USP34: variants seen among roughly 807,000 people sequenced by gnomAD.
USP34 encodes the protein ubiquitin specific peptidase 34, also known as ubiquitin carboxyl-terminal hydrolase 34.
In USP34, 70 loss-of-function variants were observed where a neutral mutation model predicts 460.3. The ratio of observed to expected loss-of-function variants is 0.15; its 90% CI spans 0.13 to 0.19. The LOEUF (loss-of-function observed/expected upper bound fraction) is 0.19, where lower values mean the gene tolerates loss of function less well. Ranked by LOEUF, USP34 falls within the 10% of genes least tolerant of loss-of-function variation. USP34 has a pLI of 1.00. For missense variants in USP34, 3,985 were observed against 4,236.2 expected (o/e 0.94, Z 1.65); for synonymous variants, 1,647 against 1,405.3 (o/e 1.17, Z -3.85).
At chr2:61,432,017 T>C (rs1191253411) in intron 1 of USP34, among the ~76,000 whole-genome samples, 4 of 147,954 alleles carry the variant, frequency 2.7e-5, no homozygotes, top group African/African-American at 9.7e-5. Context: ...TAAATATGTA[T>C]AAGAATTACG....
intron 30 of USP34, 116 bp downstream of exon 30, chr2:61,296,684 G>C: frequency 4.4e-6 from 5 of 1,130,954 alleles, no homozygotes; most frequent in Non-Finnish European, 6.0e-6. Context: ...TACTATATGG[G>C]TAAAAACTAT....
intron 33 of USP34, among the ~76,000 whole-genome samples, chr2:61,292,681 A>G (rs1019797752): frequency 1.3e-5 from 2 of 152,228 alleles, no homozygotes; most frequent in Admixed American, 1.3e-4. Context: ...AAAACAAAAA[A>G]CCACAGGAAC....
At chr2:61,310,413 G>T (rs562304238) in intron 27 of USP34, among the ~76,000 whole-genome samples, 236 of 152,040 alleles carry the variant, frequency 1.6e-3, no homozygotes, top group African/African-American at 5.5e-3. Context: ...ATCTCAAAAA[G>T]AATGAGGTAA....
At chr2:61,396,749 A>T (rs1352711232) in intron 3 of USP34, among the ~76,000 whole-genome samples, 1 of 152,106 alleles carries the variant, frequency 6.6e-6, no homozygotes, top group Non-Finnish European at 1.5e-5. Context: ...CGGCCTCCCA[A>T]AGTGCTGGGA....
At chr2:61,459,579 A>G (rs144768913) in intron 1 of USP34, among the ~76,000 whole-genome samples, 2,831 of 152,186 alleles carry the variant, frequency 0.019, 51 homozygotes, top group Non-Finnish European at 0.031. Flanking sequence ...GTTCGAAACC[A>G]GCCTGGCCAA....
chr2:61,301,236 T>C, intron 28 of USP34, 76 bp from the exon 29 acceptor site: 8 of 1,461,458 alleles, frequency 5.5e-6, no homozygotes, highest in Non-Finnish European at 7.5e-6. Context: ...AAGTATAGAA[T>C]CACTTAAAAT....
intron 3 of USP34, 50 bp downstream of exon 3, chr2:61,405,658 G>A (rs780488144): frequency 1.6e-5 from 23 of 1,449,378 alleles, no homozygotes; most frequent in African/African-American, 8.5e-5. Context: ...AACAGACTGC[G>A]AAGTTAAGAC....
chr2:61,325,522 T>C (rs1220553967), intron 20 of USP34, 65 bp from the exon 21 acceptor site: 2 of 1,033,300 alleles, frequency 1.9e-6, no homozygotes, highest in East Asian at 3.1e-5. Flanking sequence ...AAAAATTTAG[T>C]GGTCCTATGC....
At chr2:61,292,390 C>T (rs866241759) in intron 33 of USP34, among the ~76,000 whole-genome samples, 6 of 152,114 alleles carry the variant, frequency 3.9e-5, no homozygotes, top group African/African-American at 1.2e-4. Flanking sequence ...TATAAAGCTA[C>T]AATAAGCCAC....
At chr2:61,280,800 T>G (rs1689512953) in intron 38 of USP34, among the ~76,000 whole-genome samples, 1 of 152,166 alleles carries the variant, frequency 6.6e-6, no homozygotes, top group African/African-American at 2.4e-5. Flanking sequence ...TGATTTTTTA[T>G]TAGTCAACTT....
chr2:61,419,763 A>G (rs1336375576), intron 2 of USP34, among the ~76,000 whole-genome samples: 1 of 152,228 alleles, frequency 6.6e-6, no homozygotes, highest in Non-Finnish European at 1.5e-5. Flanking sequence ...TCAGCAAATC[A>G]TTGTGGACTA....
chr2:61,388,030 G>T (rs1427081352), intron 5 of USP34, among the ~76,000 whole-genome samples: 1 of 151,734 alleles, frequency 6.6e-6, no homozygotes, highest in African/African-American at 2.4e-5. Flanking sequence ...ACTTTGGAAG[G>T]CCAAGGATGG....
intron 1 of USP34, among the ~76,000 whole-genome samples, chr2:61,432,716 GAC>G (rs1206090035): frequency 1.3e-5 from 2 of 151,850 alleles, no homozygotes; most frequent in Non-Finnish European, 2.9e-5. Flanking sequence ...GTGGGAGAGA[GAC>G]AATGGATAAG....
chr2:61,326,469 C>G (rs1292563643), intron 20 of USP34, among the ~76,000 whole-genome samples: 1 of 152,164 alleles, frequency 6.6e-6, no homozygotes, highest in Non-Finnish European at 1.5e-5. Flanking sequence ...CTCAAGTGAT[C>G]TGCCTGCCTT....
intron 8 of USP34, among the ~76,000 whole-genome samples, chr2:61,371,209 T>C (rs897388824): frequency 1.1e-4 from 16 of 152,182 alleles, no homozygotes; most frequent in Middle Eastern, 3.2e-3. Context: ...CACCATGTCA[T>C]AGAGCAATGC....
At chr2:61,311,469 A>AAAGAGAAAGAAAAAG (rs1690590719) in intron 27 of USP34, 71 bp downstream of exon 27, 1 of 1,434,216 alleles carries the variant, frequency 7.0e-7, no homozygotes, top group African/African-American at 1.4e-5. Flanking sequence ...GGAAAGGAGA[A>AAAGAGAAAGAAAAAG]AAGAGAAAGA....
At chr2:61,303,815 G>A (rs1227332220) in intron 27 of USP34, among the ~76,000 whole-genome samples, 1 of 151,720 alleles carries the variant, frequency 6.6e-6, no homozygotes, top group Non-Finnish European at 1.5e-5. Flanking sequence ...CCAGGATGGT[G>A]TTATCTCCTG....
intron 39 of USP34, among the ~76,000 whole-genome samples, chr2:61,279,503 C>T (rs1028199165): frequency 3.7e-4 from 57 of 152,162 alleles, no homozygotes; most frequent in African/African-American, 1.3e-3. Context: ...TTCACTCTGT[C>T]GCCAGGCTAG....
At chr2:61,230,717 G>A (rs568686236) in intron 58 of USP34, among the ~76,000 whole-genome samples, 8 of 151,888 alleles carry the variant, frequency 5.3e-5, no homozygotes, top group Admixed American at 1.3e-4. Context: ...GGTGGTGCGC[G>A]CCTGTAATCC....
Sources: allele counts gnomAD v4.1 joint callset (sites outside exome capture counted in the v4.1 genomes callset), GRCh38; gene constraint gnomAD v4.1.1; transcripts MANE v1.5; gene names NCBI Gene and HGNC (gene_info 2026-07-23, HGNC 2026-07-21).